KIAA1217: variants seen among roughly 807,000 people sequenced by gnomAD.
KIAA1217 encodes the protein KIAA1217.
Under a neutral mutation model 163.9 loss-of-function variants are expected in KIAA1217, and 88 were observed. That is an observed-to-expected ratio of 0.54 (90% CI 0.45 to 0.64). The LOEUF is 0.64. KIAA1217 is among the 30% of genes least tolerant of loss of function. The pLI is 0.00. For synonymous variants in KIAA1217, 903 were observed against 923.1 expected (o/e 0.98, Z 0.39); for missense variants, 2,372 against 2,475.0 (o/e 0.96, Z 0.88).
intron 2 of KIAA1217, among the ~76,000 whole-genome samples, chr10:24,186,251 C>T (rs1047856042): frequency 6.6e-6 from 1 of 152,150 alleles, no homozygotes; most frequent in Non-Finnish European, 1.5e-5. Flanking sequence ...CTCAAAAGGA[C>T]TCATGGGAAC....
chr10:24,267,149 G>A (rs1590374515), intron 2 of KIAA1217, among the ~76,000 whole-genome samples: 1 of 152,104 alleles, frequency 6.6e-6, no homozygotes, highest in East Asian at 1.9e-4. Flanking sequence ...ATAATAACGA[G>A]GTTGAATTAT....
chr10:24,293,923 G>T (rs759817276), intron 2 of KIAA1217, among the ~76,000 whole-genome samples: 12 of 152,190 alleles, frequency 7.9e-5, no homozygotes, highest in Non-Finnish European at 1.5e-5. Context: ...GCCGGGTGCG[G>T]TGGCTCACGC....
intron 1 of KIAA1217, among the ~76,000 whole-genome samples, chr10:23,917,098 C>T (rs1462729814): frequency 6.6e-6 from 1 of 151,776 alleles, no homozygotes; most frequent in Non-Finnish European, 1.5e-5. Context: ...ACTACGCCAA[C>T]ATTTTCGTGT....
intron 1 of KIAA1217, among the ~76,000 whole-genome samples, chr10:23,962,323 T>C (rs1475067955): frequency 2.0e-5 from 3 of 152,244 alleles, no homozygotes; most frequent in Middle Eastern, 3.2e-3. Flanking sequence ...ACCTACTTCA[T>C]TGAATGTTCT....
chr10:23,996,114 C>T (rs1846468246), intron 1 of KIAA1217, among the ~76,000 whole-genome samples: 1 of 152,140 alleles, frequency 6.6e-6, no homozygotes, highest in African/African-American at 2.4e-5. Context: ...TCCCCTGCCT[C>T]CCTTTTTTGC....
chr10:24,185,270 T>C (rs2066368891), intron 2 of KIAA1217, among the ~76,000 whole-genome samples: 1 of 152,138 alleles, frequency 6.6e-6, no homozygotes, highest in Admixed American at 6.5e-5. Context: ...TTGGGGTAGG[T>C]TACAGTTACA....
intron 1 of KIAA1217, among the ~76,000 whole-genome samples, chr10:23,886,015 G>A (rs965807125): frequency 6.6e-6 from 1 of 151,902 alleles, no homozygotes; most frequent in African/African-American, 2.4e-5. Context: ...ATGAAGTGGT[G>A]CTGGCTCTTT....
intron 2 of KIAA1217, among the ~76,000 whole-genome samples, chr10:24,173,790 T>A (rs1449655002): frequency 6.6e-6 from 1 of 151,974 alleles, no homozygotes; most frequent in Non-Finnish European, 1.5e-5. Flanking sequence ...TTAATAAGAG[T>A]GTTAGTATTA....
chr10:23,926,405 T>A (rs1843020428), intron 1 of KIAA1217, among the ~76,000 whole-genome samples: 1 of 152,156 alleles, frequency 6.6e-6, no homozygotes, highest in African/African-American at 2.4e-5. Flanking sequence ...CTGTCAATAT[T>A]TCCATATGAG....
At chr10:24,308,063 G>T (rs988960949) in intron 2 of KIAA1217, among the ~76,000 whole-genome samples, 2 of 152,278 alleles carry the variant, frequency 1.3e-5, no homozygotes, top group East Asian at 3.9e-4. Flanking sequence ...ATAATTGAGT[G>T]CAATAAACCA....
chr10:24,268,283 G>A (rs1270136320), intron 2 of KIAA1217, among the ~76,000 whole-genome samples: 1 of 152,146 alleles, frequency 6.6e-6, no homozygotes, highest in African/African-American at 2.4e-5. Flanking sequence ...AATTAGGTGG[G>A]TGAATGGTGT....
chr10:24,177,299 T>TATATATATATATATG lies in KIAA1217; in HGVS notation c.-170-42326_-170-42325insTATATATATATATGA, dbSNP rs1554894744. 6.4e-5 allele frequency among the ~76,000 whole-genome samples: 3 copies of TATATATATATATATG among 46,912 alleles called. No individual in the cohort carries two copies. The Admixed American group carries it at 7.9e-4, about 12-fold the overall frequency. The allele number at this position is 46,912 out of a possible 152,430, so 30.8% of individuals were successfully genotyped here. A position where few individuals can be genotyped will look rare whatever the true frequency, so the allele number is the denominator to read the frequency against. ...TATATATATATATATATATATATAT[T>TATATATATATATATG]ACAATTTCTTTGTCATATATATCAC... is the stretch of plus-strand genomic sequence containing the variant. On this transcript the variant is annotated intron_variant, in intron 2 of 18. Coordinates refer to the KIAA1217 transcript ENST00000376462.
At chr10:23,749,322 T>C (rs1202843117) in intron 1 of KIAA1217, among the ~76,000 whole-genome samples, 1 of 152,200 alleles carries the variant, frequency 6.6e-6, no homozygotes, top group Non-Finnish European at 1.5e-5. Flanking sequence ...CCTTCACACT[T>C]ACTCTGATTC....
At chr10:24,500,184 A>AGTT (rs113715645) in intron 8 of KIAA1217, among the ~76,000 whole-genome samples, 1 of 143,158 alleles carries the variant, frequency 7.0e-6, no homozygotes, top group Non-Finnish European at 1.5e-5. Flanking sequence ...ACTGAACAGA[A>AGTT]GTGTGTGTGT....
chr10:23,948,523 T>C (rs1002451750), intron 1 of KIAA1217, among the ~76,000 whole-genome samples: 14 of 152,042 alleles, frequency 9.2e-5, no homozygotes, highest in African/African-American at 3.4e-4. Context: ...TTTAAAGAGA[T>C]GATGGATGTG....
At chr10:24,341,006 C>T (rs1344416806) in intron 2 of KIAA1217, among the ~76,000 whole-genome samples, 1 of 152,146 alleles carries the variant, frequency 6.6e-6, no homozygotes, top group Non-Finnish European at 1.5e-5. Context: ...CTGAGAAATG[C>T]GAATTTTTTC....
At chr10:24,523,435 A>C (rs2071606445) in intron 12 of KIAA1217, among the ~76,000 whole-genome samples, 2 of 152,222 alleles carry the variant, frequency 1.3e-5, no homozygotes, top group African/African-American at 2.4e-5. Flanking sequence ...AAGAAACAGC[A>C]AAAGAAAGAG....
chr10:24,068,323 C>T (rs1468666756), intron 2 of KIAA1217, among the ~76,000 whole-genome samples: 1 of 152,268 alleles, frequency 6.6e-6, no homozygotes, highest in East Asian at 1.9e-4. Flanking sequence ...TCCAAGATTT[C>T]TGTTTGGTTT....
At chr10:23,892,738 A>G (rs116861485) in intron 1 of KIAA1217, among the ~76,000 whole-genome samples, 34 of 151,950 alleles carry the variant, frequency 2.2e-4, no homozygotes, top group Non-Finnish European at 4.0e-4. Flanking sequence ...TGAGAGGGTA[A>G]TTTGTTCTAC....
Sources: allele counts gnomAD v4.1 joint callset (sites outside exome capture counted in the v4.1 genomes callset), GRCh38; gene constraint gnomAD v4.1.1; transcripts MANE v1.5; gene names NCBI Gene and HGNC (gene_info 2026-07-23, HGNC 2026-07-21).